The following EXT1 variants were observed in gnomAD, a reference collection of about 807,000 sequenced individuals.
The protein encoded by EXT1 is exostosin-1.
A neutral mutation model predicts 82.5 loss-of-function variants in EXT1; 20 were observed. The ratio of observed to expected loss-of-function variants is 0.24; its 90% CI spans 0.17 to 0.35. EXT1 has a LOEUF of 0.35. Ranked by LOEUF, EXT1 falls within the 10% of genes least tolerant of loss-of-function variation. The pLI is 1.00. For synonymous variants in EXT1, 348 were observed against 350.8 expected, an observed-to-expected ratio of 0.99 and a Z score of 0.09; for missense variants, 757 against 936.5, an observed-to-expected ratio of 0.81 and a Z score of 2.50.
chr8:118,094,226 AT>A (rs1817570701), intron 1 of EXT1, among the ~76,000 whole-genome samples: 1 of 152,110 alleles, frequency 6.6e-6, no homozygotes, highest in South Asian at 2.1e-4. Context: ...AGGAGAACGA[AT>A]TTTTTTAAAG....
At chr8:117,878,453 T>C (rs1813007110) in intron 1 of EXT1, among the ~76,000 whole-genome samples, 1 of 152,194 alleles carries the variant, frequency 6.6e-6, no homozygotes, top group Non-Finnish European at 1.5e-5. Context: ...GGTGGTCATC[T>C]ACTGTGTGCC....
At chr8:118,039,984 CA>C (rs1214434182) in intron 1 of EXT1, among the ~76,000 whole-genome samples, 1 of 152,038 alleles carries the variant, frequency 6.6e-6, no homozygotes, top group Non-Finnish European at 1.5e-5. Context: ...CGTAACAACC[CA>C]AAAAACATAC....
intron 1 of EXT1, among the ~76,000 whole-genome samples, chr8:117,867,863 C>T (rs1435458583): frequency 6.6e-6 from 1 of 152,098 alleles, no homozygotes; most frequent in Non-Finnish European, 1.5e-5. Context: ...GCATGACTGC[C>T]TCATCTATAA....
intron 1 of EXT1, among the ~76,000 whole-genome samples, chr8:117,876,087 G>A (rs2129907631): frequency 6.6e-6 from 1 of 152,318 alleles, no homozygotes; most frequent in East Asian, 1.9e-4. Flanking sequence ...ATAATATTCA[G>A]GCCTTGGCCT....
intron 1 of EXT1, among the ~76,000 whole-genome samples, chr8:117,838,936 T>A (rs1471973346): frequency 6.6e-6 from 1 of 152,202 alleles, no homozygotes; most frequent in Non-Finnish European, 1.5e-5. Flanking sequence ...ATTCTCATCA[T>A]TAGCCTACTA....
chr8:117,867,622 T>C (rs1812797316), intron 1 of EXT1, among the ~76,000 whole-genome samples: 1 of 152,224 alleles, frequency 6.6e-6, no homozygotes, highest in Non-Finnish European at 1.5e-5. Context: ...ATGAAAGCCT[T>C]GATAACCTCC....
chr8:117,888,385 T>A (rs1813185804), intron 1 of EXT1, among the ~76,000 whole-genome samples: 1 of 152,086 alleles, frequency 6.6e-6, no homozygotes, highest in Non-Finnish European at 1.5e-5. Context: ...ACAGCATGAG[T>A]TTCAGATCTT....
chr8:117,851,660 A>G (rs1411075868), intron 1 of EXT1, among the ~76,000 whole-genome samples: 1 of 142,148 alleles, frequency 7.0e-6, no homozygotes, highest in Admixed American at 6.9e-5. Context: ...CCATTATTTA[A>G]TTTATTTAAT....
chr8:117,921,083 T>G (rs1813846457), intron 1 of EXT1, among the ~76,000 whole-genome samples: 1 of 152,188 alleles, frequency 6.6e-6, no homozygotes, highest in African/African-American at 2.4e-5. Context: ...TTTCTCTGTT[T>G]CAAAAATGCA....
At chr8:118,013,611 T>A (rs1413241411) in intron 1 of EXT1, among the ~76,000 whole-genome samples, 3 of 152,190 alleles carry the variant, frequency 2.0e-5, no homozygotes, top group Non-Finnish European at 4.4e-5. Context: ...AAAGGATGGA[T>A]GGACTTGGAG....
At chr8:118,108,834 G>T (rs77878926) in intron 1 of EXT1, among the ~76,000 whole-genome samples, 3,035 of 152,192 alleles carry the variant, frequency 0.02, 98 homozygotes, top group African/African-American at 0.069. Flanking sequence ...TTCCAATCAG[G>T]TTTGCGAAAC....
chr8:118,005,240 G>A (rs1281324877), intron 1 of EXT1, among the ~76,000 whole-genome samples: 2 of 152,144 alleles, frequency 1.3e-5, no homozygotes, highest in Admixed American at 6.5e-5. Context: ...CTTGCTTGCA[G>A]CTAGGCAGAC....
intron 1 of EXT1, among the ~76,000 whole-genome samples, chr8:117,896,293 T>C (rs912092599): frequency 4.6e-5 from 7 of 152,268 alleles, no homozygotes; most frequent in Non-Finnish European, 8.8e-5. Flanking sequence ...TCATCTTTTG[T>C]ATTTTATTAC....
intron 1 of EXT1, among the ~76,000 whole-genome samples, chr8:117,858,805 CAAGGCAGGA>C (rs1268515070): frequency 3.0e-5 from 2 of 66,730 alleles, no homozygotes; most frequent in African/African-American, 1.7e-4. Context: ...CAAGGCAAGG[CAAGGCAGGA>C]AGGAAGGAAG....
chr8:117,893,970 C>A (rs570614871), intron 1 of EXT1, among the ~76,000 whole-genome samples: 3 of 152,152 alleles, frequency 2.0e-5, no homozygotes, highest in African/African-American at 7.2e-5. Flanking sequence ...GCCTTCAGCA[C>A]GACTCCTGTT....
chr8:118,037,251 A>C (rs1265338291), intron 1 of EXT1, among the ~76,000 whole-genome samples: 8 of 152,182 alleles, frequency 5.3e-5, no homozygotes. Context: ...ATCTGTATGC[A>C]TTATGTCAAG....
Position 117,958,815 on chromosome 8 carries a change from C to T in EXT1, c.963-121614G>A, listed in dbSNP as rs959270050. 2.0e-5 allele frequency among the ~76,000 whole-genome samples: 3 copies of T among 152,254 alleles called. No homozygotes were observed. In the East Asian group the frequency reaches 5.8e-4, roughly 29 times the overall value. On this transcript the variant is annotated intron_variant, in intron 1 of 10. Coordinates refer to ENST00000378204, the MANE Select transcript of EXT1 (RefSeq NM_000127.3). ...GTAATTTACTAAAGTTAAATTATTC[C>T]ATTGAAAACAGATTCAAGGCCTTTT...
Position 118,111,472 on chromosome 8 carries a change from A to T in EXT1, c.-426T>A. On this transcript the variant is annotated 5_prime_UTR_variant, in exon 1 of 11. Coordinates refer to ENST00000378204, the MANE Select transcript of EXT1 (RefSeq NM_000127.3). The stretch of plus-strand genomic sequence containing the variant: ...GGCAGCGTGGAAAATGAGCCCCGGG[A>T]AGGCAACTTCAACTCATCCACCACT... 1 of 541,692 alleles carries T rather than the reference A, an allele frequency of 1.8e-6. No homozygotes were observed. The highest frequency in any genetic ancestry group is 3.2e-6 in the Non-Finnish European group (1 of 309,664). The allele number at this position is 541,692 out of a possible 1,614,324, so 33.6% of individuals were successfully genotyped here.
At chr8:117,832,401 A>G (rs17439847) in intron 3 of EXT1, among the ~76,000 whole-genome samples, 9,206 of 152,034 alleles carry the variant, frequency 0.061, 273 homozygotes, top group East Asian at 0.11. Flanking sequence ...GTGTGCACCT[A>G]TAGGCCCAGC....
Sources: gnomAD v4.1 joint callset for allele counts (sites outside exome capture counted in the v4.1 genomes callset) on GRCh38, gnomAD v4.1.1 for gene constraint, MANE v1.5 for transcripts, NCBI Gene and HGNC (gene_info 2026-07-23, HGNC 2026-07-21) for gene names.